The following RFX3 variants were observed in gnomAD, a reference collection of about 807,000 sequenced individuals.
RFX3 encodes regulatory factor X3.
In RFX3, 14 loss-of-function variants were observed where a neutral mutation model predicts 98.6. That is an observed-to-expected ratio of 0.14 (90% confidence interval 0.09 to 0.22). The LOEUF is 0.22. Ranked by LOEUF, RFX3 falls within the 10% of genes least tolerant of loss-of-function variation. RFX3 has a pLI of 1.00. For synonymous variants in RFX3, 383 were observed against 328.4 expected, an observed-to-expected ratio of 1.17 and a Z score of -1.80; for missense variants, 639 against 926.9, an observed-to-expected ratio of 0.69 and a Z score of 4.03.
At chr9:3,349,691 T>A (rs1466764168) in intron 2 of RFX3, among the ~76,000 whole-genome samples, 1 of 152,084 alleles carries the variant, frequency 6.6e-6, no homozygotes, top group Non-Finnish European at 1.5e-5. Context: ...TATGAATGTG[T>A]ATAGAAGTGC....
intron 2 of RFX3, among the ~76,000 whole-genome samples, chr9:3,366,827 T>A (rs1837264691): frequency 6.6e-6 from 1 of 151,654 alleles, no homozygotes; most frequent in Non-Finnish European, 1.5e-5. Context: ...TGCATGCATT[T>A]GGGAGATAAA....
intron 1 of RFX3, among the ~76,000 whole-genome samples, chr9:3,496,309 A>C (rs560382045): frequency 6.6e-6 from 1 of 152,138 alleles, no homozygotes; most frequent in Admixed American, 6.5e-5. Flanking sequence ...CTGCTCCTGT[A>C]ATCTTTAATG....
In RFX3 at chr9:3,263,051, G is replaced by T. The variant is rs1275389038; in HGVS notation, c.1489C>A (p.Arg497=). 6.2e-7 allele frequency: 1 copy of T among 1,613,580 alleles called. No homozygotes were observed. The highest frequency in any genetic ancestry group is 8.5e-7 in the Non-Finnish European group (1 of 1,179,714). The change falls in exon 13 of 17, where the codon CGA becomes AGA. Residue 497 remains arginine, a synonymous_variant. Coordinates refer to ENST00000617270, the MANE Select transcript of RFX3 (RefSeq NM_001282116.2). ...AAVSAFAQTL[R]RYTSLNHLAQ... is the part of the protein sequence containing the mutation. ...AGGTGATTAAGCGACGTGTATCTTC[G>T]CAGAGTCTGGGCAAAGGCACTTACA...
intron 1 of RFX3, among the ~76,000 whole-genome samples, chr9:3,450,420 CAA>C (rs1230495669): frequency 6.6e-6 from 1 of 151,956 alleles, no homozygotes; most frequent in Non-Finnish European, 1.5e-5. Flanking sequence ...CTTTCCTTAA[CAA>C]AACATTCTCC....
At chr9:3,298,585 C>T (rs774953472) in intron 5 of RFX3, among the ~76,000 whole-genome samples, 1 of 151,808 alleles carries the variant, frequency 6.6e-6, no homozygotes, top group Non-Finnish European at 1.5e-5. Flanking sequence ...TTTCTTGGAA[C>T]TACCACTTGC....
intron 1 of RFX3, among the ~76,000 whole-genome samples, chr9:3,418,520 C>T (rs1021850845): frequency 6.6e-6 from 1 of 152,042 alleles, no homozygotes; most frequent in African/African-American, 2.4e-5. Flanking sequence ...GCTAGGATTA[C>T]AGGCACCCAC....
intron 2 of RFX3, among the ~76,000 whole-genome samples, chr9:3,382,774 G>C (rs1839326273): frequency 6.6e-6 from 1 of 152,052 alleles, no homozygotes; most frequent in African/African-American, 2.4e-5. Context: ...CAGGACAAGA[G>C]TTGATAGGAA....
intron 4 of RFX3, among the ~76,000 whole-genome samples, chr9:3,305,275 G>A (rs1829149256): frequency 6.6e-6 from 1 of 151,986 alleles, no homozygotes; most frequent in Non-Finnish European, 1.5e-5. Context: ...AATGTATGCG[G>A]GAATCAGGGA....
intron 2 of RFX3, among the ~76,000 whole-genome samples, chr9:3,393,891 T>C (rs2131900802): frequency 6.6e-6 from 1 of 152,346 alleles, no homozygotes; most frequent in South Asian, 2.1e-4. Context: ...GTTCACTATT[T>C]GGGTAATGGG....
chr9:3,399,305 A>G (rs1841237714), intron 1 of RFX3, among the ~76,000 whole-genome samples: 1 of 150,802 alleles, frequency 6.6e-6, no homozygotes, highest in South Asian at 2.1e-4. Flanking sequence ...TCAGCTGGTC[A>G]TGGTGGTGGG....
At chr9:3,343,192 G>C (rs2131100214) in intron 3 of RFX3, among the ~76,000 whole-genome samples, 1 of 152,298 alleles carries the variant, frequency 6.6e-6, no homozygotes, top group Non-Finnish European at 1.5e-5. Context: ...CATGCATTAT[G>C]GCTACATGAC....
chr9:3,444,480 G>A (rs924891059), intron 1 of RFX3, among the ~76,000 whole-genome samples: 30 of 151,830 alleles, frequency 2.0e-4, no homozygotes, highest in African/African-American at 6.3e-4. Flanking sequence ...CTTCTGGGGC[G>A]ATAGTATATA....
rs1013502477 is a variant in RFX3 at position 3,223,786 on chromosome 9, C to G, written c.*1256G>C. 3 of 152,150 alleles carry G rather than the reference C, an allele frequency of 2.0e-5. No individual in the cohort carries two copies. The highest frequency in any genetic ancestry group is 7.2e-5 in the African/African-American group (3 of 41,424). 9.4% of individuals were successfully genotyped at this position (152,150 alleles called of 1,614,324 possible). On this transcript the variant is annotated 3_prime_UTR_variant, in exon 17 of 17. Transcript: ENST00000617270. ...AGTCACATGAACAAAATAAACCTTA[C>G]TAAACCTTAGCTTCAGTTCTGTTTT...
At chr9:3,455,531 C>T (rs1274229603) in intron 1 of RFX3, among the ~76,000 whole-genome samples, 1 of 152,212 alleles carries the variant, frequency 6.6e-6, no homozygotes, top group East Asian at 1.9e-4. Flanking sequence ...ACTGTCAGTG[C>T]CATAAAGAGT....
chr9:3,507,007 T>C (rs1190532109), intron 1 of RFX3, among the ~76,000 whole-genome samples: 2 of 151,956 alleles, frequency 1.3e-5, no homozygotes, highest in South Asian at 2.1e-4. Context: ...AGATTCCAAA[T>C]TGACAATCTG....
At chr9:3,446,016 G>A (rs1283450633) in intron 1 of RFX3, among the ~76,000 whole-genome samples, 1 of 151,896 alleles carries the variant, frequency 6.6e-6, no homozygotes, top group Non-Finnish European at 1.5e-5. Flanking sequence ...TTATTTATTT[G>A]TAGGTTTGTT....
chr9:3,230,517 G>A (rs1818319395), intron 15 of RFX3, among the ~76,000 whole-genome samples: 1 of 152,142 alleles, frequency 6.6e-6, no homozygotes, highest in Non-Finnish European at 1.5e-5. Context: ...AAAATTCAGT[G>A]TAAATTATGT....
intron 1 of RFX3, among the ~76,000 whole-genome samples, chr9:3,445,612 T>C (rs900595750): frequency 3.3e-5 from 5 of 152,140 alleles, no homozygotes; most frequent in African/African-American, 9.7e-5. Flanking sequence ...ATTTCCTGTA[T>C]TCCCACCCAA....
rs575109289 is a variant in RFX3, at chr9:3,235,859, A to T, written c.1969-6970T>A. On this transcript the variant is annotated intron_variant, in intron 15 of 16. Transcript: ENST00000617270. ...TAATCTCCCCATTTAAATTCAACCA[A>T]TTAGCAACCTTAGTTCCACTTATAA... 9.9e-5 allele frequency among the ~76,000 whole-genome samples: 15 copies of T among 152,260 alleles called. 1 individual carries two copies. In the East Asian group the frequency reaches 2.9e-3, roughly 29 times the overall value.
Sources: allele counts gnomAD v4.1 joint callset (sites outside exome capture counted in the v4.1 genomes callset), GRCh38; gene constraint gnomAD v4.1.1; transcripts MANE v1.5; gene names NCBI Gene and HGNC (gene_info 2026-07-23, HGNC 2026-07-21).